RGS20: variants seen among roughly 807,000 people sequenced by gnomAD.
RGS20 encodes gz-selective GTPase-activating protein.
Under a neutral mutation model 33.6 loss-of-function variants are expected in RGS20, and 30 were observed. The observed-to-expected ratio is 0.89, with a 90% CI of 0.67 to 1.21. The LOEUF (loss-of-function observed/expected upper bound fraction) is 1.21. Among genes scored for constraint, RGS20 ranks in the 50% most tolerant of loss-of-function variants. RGS20 has a pLI of 0.00. For synonymous variants in RGS20, 208 were observed against 197.9 expected, an observed-to-expected ratio of 1.05 and a Z score of -0.43; for missense variants, 472 against 502.4, an observed-to-expected ratio of 0.94 and a Z score of 0.58.
intron 2 of RGS20, among the ~76,000 whole-genome samples, chr8:53,936,875 T>G (rs150561574): frequency 6.6e-6 from 1 of 152,160 alleles, no homozygotes; most frequent in African/African-American, 2.4e-5. Context: ...CAAAACAGCA[T>G]GGTACTGGTA....
intron 2 of RGS20, among the ~76,000 whole-genome samples, chr8:53,921,431 G>C (rs1813641525): frequency 6.6e-6 from 1 of 150,802 alleles, no homozygotes; most frequent in Non-Finnish European, 1.5e-5. Context: ...TCTGAGCTGA[G>C]CTGAGCTTTT....
chr8:53,902,712 A>G (rs1233860393), intron 2 of RGS20, among the ~76,000 whole-genome samples: 1 of 151,130 alleles, frequency 6.6e-6, no homozygotes, highest in African/African-American at 2.5e-5. Context: ...TTTTAAATGT[A>G]AAAACAAAAT....
intron 4 of RGS20, among the ~76,000 whole-genome samples, chr8:53,947,311 G>A (rs1180129803): frequency 1.5e-5 from 2 of 136,996 alleles, no homozygotes; most frequent in Non-Finnish European, 3.0e-5. Flanking sequence ...ATAAGATATA[G>A]TATATATATT....
chr8:53,873,961 G>A (rs1812134004), intron 1 of RGS20, among the ~76,000 whole-genome samples: 1 of 152,142 alleles, frequency 6.6e-6, no homozygotes, highest in Non-Finnish European at 1.5e-5. Context: ...CCCTTTAGGA[G>A]GCCGAGGAGA....
chr8:53,889,723 C>CTGTGTG lies in RGS20; in HGVS notation c.510+10150_510+10155dup, dbSNP rs66766851. On this transcript the variant is annotated intron_variant, in intron 2 of 5. Transcript: ENST00000297313. The stretch of plus-strand genomic sequence containing the variant: ...TGGATACAAGCCATCTGTCAAAATT[C>CTGTGTG]TGTGTGTGTGTGTGTGTGTGTGTGT... Among the ~76,000 whole-genome samples, 851 of 146,092 alleles carry CTGTGTG rather than the reference C, an allele frequency of 5.8e-3. 7 individuals carry two copies. The highest frequency in any genetic ancestry group is 0.02 in the African/African-American group (808 of 39,904).
chr8:53,956,025 ACT>A (rs776883526), intron 5 of RGS20, among the ~76,000 whole-genome samples: 2 of 151,844 alleles, frequency 1.3e-5, no homozygotes, highest in Non-Finnish European at 2.9e-5. Flanking sequence ...CCCTGGCCAC[ACT>A]CTCAGCACTC....
In RGS20 at chr8:53,939,593, G is replaced by C; in HGVS notation, c.528G>C (p.Arg176=). Residue 176 remains arginine (R), a synonymous_variant, in exon 3 of 6, where the codon CGG becomes CGC. Coordinates refer to ENST00000297313, the MANE Select transcript of RGS20 (RefSeq NM_170587.4). Reference sequence around the variant, plus strand: ...TCTTGCAGCAGATGGGATCAGAGCGGATGGAGATGCGGAAGCGGCAGATGC... The same window carrying C: ...TCTTGCAGCAGATGGGATCAGAGCGCATGGAGATGCGGAAGCGGCAGATGC... 1.2e-6 allele frequency: 2 copies of C among 1,602,064 alleles called. No homozygotes were observed. Among genetic ancestry groups the C allele is most frequent in the Non-Finnish European group, 1.7e-6 (2 of 1,174,796 alleles).
intron 2 of RGS20, among the ~76,000 whole-genome samples, chr8:53,931,058 G>C (rs993212165): frequency 3.3e-5 from 5 of 152,050 alleles, no homozygotes; most frequent in Non-Finnish European, 7.4e-5. Context: ...TCTCCCTGTG[G>C]TACCCATAAA....
At chr8:53,883,735 A>G (rs1020902285) in intron 2 of RGS20, among the ~76,000 whole-genome samples, 1 of 152,012 alleles carries the variant, frequency 6.6e-6, no homozygotes, top group Non-Finnish European at 1.5e-5. Flanking sequence ...ACGTGAGGTC[A>G]GGAGTTCTAG....
chr8:53,871,612 A>C (rs1812069405), intron 1 of RGS20, among the ~76,000 whole-genome samples: 1 of 146,910 alleles, frequency 6.8e-6, no homozygotes, highest in African/African-American at 2.7e-5. Flanking sequence ...GTGAGAGTCC[A>C]TCTCAAAAAA....
intron 1 of RGS20, among the ~76,000 whole-genome samples, chr8:53,867,599 T>C (rs1811949544): frequency 6.6e-6 from 1 of 152,222 alleles, no homozygotes; most frequent in South Asian, 2.1e-4. Flanking sequence ...TCTAATGCCC[T>C]GTTGGTATCT....
rs34316630 is a variant in RGS20, at chr8:53,889,412, C to CTTTTTTTTTTTTTTTTTTTTTTTT, written c.510+9826_510+9849dup. Among the ~76,000 whole-genome samples the CTTTTTTTTTTTTTTTTTTTTTTTT allele has an allele frequency of 4.8e-5, 2 of 41,834 alleles. 1 individual carries two copies. The highest frequency in any genetic ancestry group is 1.2e-4 in the Non-Finnish European group (2 of 16,082). 27.4% of individuals were successfully genotyped at this position (41,834 alleles called of 152,430 possible). On this transcript the variant is annotated intron_variant, in intron 2 of 5. Coordinates refer to ENST00000297313, the MANE Select transcript of RGS20 (RefSeq NM_170587.4). ...TCTTTCTTTCTTTCTCTCTCTCTCT[C>CTTTTTTTTTTTTTTTTTTTTTTTT]TTTTTTTTTTTTTTTTTTTTTTTTT...
At chr8:53,921,962 A>C (rs1813660874) in intron 2 of RGS20, among the ~76,000 whole-genome samples, 1 of 152,152 alleles carries the variant, frequency 6.6e-6, no homozygotes, top group African/African-American at 2.4e-5. Flanking sequence ...TTTGAGAAGA[A>C]TATGTATTCC....
intron 1 of RGS20, among the ~76,000 whole-genome samples, chr8:53,857,083 A>G (rs970045208): frequency 6.6e-6 from 1 of 152,246 alleles, no homozygotes; most frequent in African/African-American, 2.4e-5. Context: ...TTTGTGAAAG[A>G]GTAAGTTCAC....
intron 2 of RGS20, among the ~76,000 whole-genome samples, chr8:53,904,390 C>T (rs984711193): frequency 7.9e-5 from 12 of 152,156 alleles, no homozygotes; most frequent in African/African-American, 2.9e-4. Flanking sequence ...CCTTGGCCTC[C>T]CAAAGTGCTA....
At chr8:53,852,816 T>C (rs1388644119) in intron 1 of RGS20, among the ~76,000 whole-genome samples, 1 of 152,218 alleles carries the variant, frequency 6.6e-6, no homozygotes, top group Non-Finnish European at 1.5e-5. Context: ...AAAATTCACC[T>C]GTTCTTTTGC....
At chr8:53,870,059 A>G (rs1812025653) in intron 1 of RGS20, among the ~76,000 whole-genome samples, 1 of 152,174 alleles carries the variant, frequency 6.6e-6, no homozygotes, top group Admixed American at 6.5e-5. Flanking sequence ...ATGGCCAAAC[A>G]TTTAAAAAAA....
rs1812228571 is a variant in RGS20 at position 53,877,263 on chromosome 8, G to A, written c.166-1995G>A. Among the ~76,000 whole-genome samples the A allele has an allele frequency of 6.6e-6, 1 of 152,188 alleles. No homozygotes were observed. The highest frequency in any genetic ancestry group is 1.5e-5 in the Non-Finnish European group (1 of 68,036). Reference sequence around the variant, plus strand: ...CCAGGAACCCGGCTGGTCCTCTCTCGACTTCTTAGCGTGGGGTCCCGCCGG... The same window carrying A: ...CCAGGAACCCGGCTGGTCCTCTCTCAACTTCTTAGCGTGGGGTCCCGCCGG... On this transcript the variant is annotated intron_variant, in intron 1 of 5. Transcript: ENST00000297313. The surrounding 1 kb of genome is among the most constrained non-coding windows in gnomAD (Gnocchi z 5.7).
At chr8:53,909,989 C>T (rs1415999260) in intron 2 of RGS20, among the ~76,000 whole-genome samples, 1 of 152,120 alleles carries the variant, frequency 6.6e-6, no homozygotes, top group East Asian at 1.9e-4. Flanking sequence ...AGAGCAGGGA[C>T]AAATGCCTTC....
Sources: gnomAD v4.1 joint callset for allele counts (sites outside exome capture counted in the v4.1 genomes callset) on GRCh38, gnomAD v4.1.1 for gene constraint, Gnocchi (gnomAD v3.1) non-coding constraint, MANE v1.5 for transcripts, NCBI Gene and HGNC (gene_info 2026-07-23, HGNC 2026-07-21) for gene names.